The following HK1 variants were observed in gnomAD, a reference collection of about 807,000 sequenced individuals.
HK1 encodes hexokinase-1.
A neutral mutation model predicts 91.6 loss-of-function variants in HK1; 28 were observed. That is an observed-to-expected ratio of 0.31 (90% CI 0.23 to 0.42). The LOEUF is 0.42. Among genes scored for constraint, HK1 ranks in the 10% least tolerant of loss-of-function variants. HK1 has a pLI of 1.00. For missense variants in HK1, 770 were observed against 1,219.8 expected (o/e 0.63, Z 5.49); for synonymous variants, 430 against 468.1 (o/e 0.92, Z 1.05).
At chr10:69,322,847 G>C (rs1847119317) in intron 1 of HK1, among the ~76,000 whole-genome samples, 1 of 149,578 alleles carries the variant, frequency 6.7e-6, no homozygotes. Context: ...CCGAGATCAC[G>C]CCATTGCACT....
chr10:69,314,544 G>A (rs143797383), upstream of HK1, among the ~76,000 whole-genome samples: 41 of 152,176 alleles, frequency 2.7e-4, no homozygotes, highest in East Asian at 5.8e-3. Flanking sequence ...TCGTTTTTTC[G>A]CTCTCTTTGA....
chr10:69,353,685 G>A (rs921606357), intron 2 of HK1, among the ~76,000 whole-genome samples: 2 of 151,688 alleles, frequency 1.3e-5, no homozygotes, highest in African/African-American at 4.8e-5. Context: ...CTTCTGTCTA[G>A]CTGAACACAT....
chr10:69,324,766 G>C (rs1252242108), intron 1 of HK1, among the ~76,000 whole-genome samples: 1 of 152,176 alleles, frequency 6.6e-6, no homozygotes, highest in East Asian at 1.9e-4. Context: ...CCCATCCCCA[G>C]TTCTGGGGAT....
chr10:69,392,435 C>A, intron 15 of HK1, 127 bp downstream of exon 15: 1 of 946,874 alleles, frequency 1.1e-6, no homozygotes, highest in South Asian at 1.5e-5. Flanking sequence ...AGACTGGACC[C>A]CCTGGCTCAC....
rs573767253 is a variant in HK1, at chr10:69,325,086, C to G, written c.63+6076C>G. ...TTTTTTTTGAGATGGAGTCTTCGCT[C>G]TGTTGCCCAGGCTGGAGTGCAGTGG... On this transcript the variant is annotated intron_variant, in intron 1 of 17. Transcript: ENST00000359426. 6.6e-4 allele frequency among the ~76,000 whole-genome samples: 81 copies of G among 122,200 alleles called. 1 individual carries two copies. In the South Asian group the frequency reaches 0.017, roughly 26 times the overall value. 80.2% of individuals were successfully genotyped at this position (122,200 alleles called of 152,430 possible).
At chr10:69,392,096 G>A (rs778797350) in intron 14 of HK1, 29 bp from the exon 15 acceptor site, 46 of 1,613,448 alleles carry the variant, frequency 2.9e-5, no homozygotes, top group Admixed American at 2.8e-4. Flanking sequence ...CAAGGCCACC[G>A]CTCCTCATTG....
chr10:69,281,723 G>T (rs1844761090), intron 1 of HK1, among the ~76,000 whole-genome samples: 1 of 152,184 alleles, frequency 6.6e-6, no homozygotes, highest in Admixed American at 6.5e-5. Context: ...GAAGGGTTTG[G>T]GTGGGGAATG....
At chr10:69,388,938 A>G (rs184958075) in intron 13 of HK1, among the ~76,000 whole-genome samples, 8 of 152,330 alleles carry the variant, frequency 5.3e-5, no homozygotes, top group Admixed American at 3.3e-4. Context: ...CTCCTATTCT[A>G]TGATTCCTCT....
At chr10:69,394,461 GTGCTA>G (rs1440407487) in intron 15 of HK1, among the ~76,000 whole-genome samples, 1 of 152,200 alleles carries the variant, frequency 6.6e-6, no homozygotes, top group South Asian at 2.1e-4. Flanking sequence ...TGAGGGCCCA[GTGCTA>G]TGCTATGCTG....
At chr10:69,318,130 G>T, upstream of HK1, 1 of 985,460 alleles carries the variant, frequency 1.0e-6, no homozygotes, top group Non-Finnish European at 1.2e-6. Flanking sequence ...TGACTCGGGG[G>T]CGGGTGCTCT....
At chr10:69,372,253 G>A (rs1850046477) in intron 7 of HK1, among the ~76,000 whole-genome samples, 1 of 152,202 alleles carries the variant, frequency 6.6e-6, no homozygotes, top group African/African-American at 2.4e-5. Flanking sequence ...GATTTGGGTG[G>A]GGACACAGCC....
At chr10:69,365,773 G>A (rs1202833208) in intron 4 of HK1, among the ~76,000 whole-genome samples, 2 of 152,196 alleles carry the variant, frequency 1.3e-5, no homozygotes, top group African/African-American at 4.8e-5. Context: ...GATCGAGGCT[G>A]CTGTGAGCCA....
intron 1 of HK1, chr10:69,270,979 C>T (rs971492313): frequency 6.6e-6 from 1 of 152,184 alleles, no homozygotes; most frequent in African/African-American, 2.4e-5. Flanking sequence ...TTCTTCCTCA[C>T]CCAATGGGGC....
In HK1 at chr10:69,384,461, A is replaced by G; in HGVS notation, c.1699A>G (p.Met567Val). ...NKIYAIPIEI[M>V]QGTGEELFDH... ...GATCTACGCCATTCCTATTGAAATCATGCAGGGCACTGGGGAAGAGGTGAG... is the reference window on the plus strand; with the variant it reads ...GATCTACGCCATTCCTATTGAAATCGTGCAGGGCACTGGGGAAGAGGTGAG... Residue 567 changes from methionine (M) to valine (V), a missense_variant, in exon 11 of 18, where the codon ATG (methionine) becomes GTG (valine). Physicochemically the swap from Met to Val is conservative, Grantham distance 21. This residue lies in a region of HK1 where 48 missense variants were observed against 128.2 expected (regional missense o/e 0.37). Transcript: ENST00000359426. The G allele has an allele frequency of 1.2e-6, 2 of 1,614,258 alleles. No homozygotes were observed. Among genetic ancestry groups the G allele is most frequent in the Non-Finnish European group, 1.7e-6 (2 of 1,180,052 alleles).
At chr10:69,366,662 C>T (rs897895585) in intron 4 of HK1, among the ~76,000 whole-genome samples, 1 of 152,188 alleles carries the variant, frequency 6.6e-6, no homozygotes, top group African/African-American at 2.4e-5. Context: ...TATGTAGACT[C>T]TTAATCTGGT....
Position 69,389,693 on chromosome 10 carries a change from C to G in HK1, c.2035+397C>G, listed in dbSNP as rs113206943. ...CAGGGGGATGGGGTGGGGAGGGAGT[C>G]TGCGGCTGGAAAGGAAGTAGAGAGC... On this transcript the variant is annotated intron_variant, in intron 14 of 17. Coordinates refer to ENST00000359426, the MANE Select transcript of HK1 (RefSeq NM_000188.3). 5.3e-5 allele frequency among the ~76,000 whole-genome samples: 8 copies of G among 151,942 alleles called. 1 individual carries two copies. The highest frequency in any genetic ancestry group is 1.9e-4 in the African/African-American group (8 of 41,444).
chr10:69,284,341 A>G (rs1844911874), intron 2 of HK1, among the ~76,000 whole-genome samples: 1 of 152,210 alleles, frequency 6.6e-6, no homozygotes, highest in Non-Finnish European at 1.5e-5. Context: ...GAGGTATTAT[A>G]TTTATAGCAG....
chr10:69,376,010 T>G (rs934027542), intron 7 of HK1, among the ~76,000 whole-genome samples: 6 of 151,998 alleles, frequency 3.9e-5, no homozygotes, highest in Non-Finnish European at 7.4e-5. Context: ...GTAACATCAG[T>G]GGGGGAGGAG....
At chr10:69,359,433 A>G (rs1415843072) in intron 2 of HK1, among the ~76,000 whole-genome samples, 1 of 152,186 alleles carries the variant, frequency 6.6e-6, no homozygotes, top group African/African-American at 2.4e-5. Flanking sequence ...CTGAGGAGTA[A>G]GCAGAACCCT....
Sources: allele counts gnomAD v4.1 joint callset (sites outside exome capture counted in the v4.1 genomes callset), GRCh38; gene constraint gnomAD v4.1.1; regional missense constraint gnomAD v4.1.1; transcripts MANE v1.5; gene names NCBI Gene and HGNC (gene_info 2026-07-23, HGNC 2026-07-21).